The following PNPLA3 variants were observed in gnomAD, a reference collection of about 807,000 sequenced individuals.
The protein encoded by PNPLA3 is 1-acylglycerol-3-phosphate O-acyltransferase PNPLA3.
Under a neutral mutation model 43.1 loss-of-function variants are expected in PNPLA3, and 42 were observed. The observed-to-expected ratio is 0.97, with a 90% CI of 0.76 to 1.26. The LOEUF (loss-of-function observed/expected upper bound fraction) is 1.26. Among genes scored for constraint, PNPLA3 ranks in the 50% most tolerant of loss-of-function variants. The pLI is 0.00. For missense variants in PNPLA3, 647 were observed against 621.4 expected, an observed-to-expected ratio of 1.04 and a Z score of -0.44; for synonymous variants, 272 against 253.6, an observed-to-expected ratio of 1.07 and a Z score of -0.69.
At chr22:43,935,359 A>C (rs547625385) in intron 5 of PNPLA3, among the ~76,000 whole-genome samples, 1 of 152,342 alleles carries the variant, frequency 6.6e-6, no homozygotes, top group South Asian at 2.1e-4. Context: ...TGCAGTGAAC[A>C]CAGAGGTGTG....
At chr22:43,945,277 T>A (rs780618638) in intron 8 of PNPLA3, among the ~76,000 whole-genome samples, 3 of 152,152 alleles carry the variant, frequency 2.0e-5, no homozygotes, top group Non-Finnish European at 4.4e-5. Flanking sequence ...TCCTCCACCC[T>A]CTGTTGTACT....
At chr22:43,939,464 T>C (rs2050017052) in intron 6 of PNPLA3, 1 of 921,248 alleles carries the variant, frequency 1.1e-6, no homozygotes, top group African/African-American at 1.8e-5. Flanking sequence ...GTAAGCACTC[T>C]CTTAGCTGTT....
In PNPLA3 at chr22:43,946,635, G is replaced by A. The variant is rs554741738; in HGVS notation, c.*253G>A. On this transcript the variant is annotated 3_prime_UTR_variant, in exon 9 of 9. Transcript: ENST00000216180. ...AAATGACACCAGGAAGCCCAGTGCA[G>A]AGGGTCCCTTACTGACTGTTTCGTG... 8.6e-6 allele frequency: 6 copies of A among 698,052 alleles called. No homozygotes were observed. The highest frequency in any genetic ancestry group is 8.3e-5 in the South Asian group (6 of 72,332). 43.2% of individuals were successfully genotyped at this position (698,052 alleles called of 1,614,324 possible). A position where few individuals can be genotyped will look rare whatever the true frequency, so the allele number is the denominator to read the frequency against.
At chr22:43,940,224 G>T (rs2050022716) in intron 7 of PNPLA3, 99 bp downstream of exon 7, 6 of 1,383,086 alleles carry the variant, frequency 4.3e-6, no homozygotes, top group Non-Finnish European at 6.0e-6. Context: ...GACCTGGATT[G>T]TCGTGCCACA....
intron 2 of PNPLA3, among the ~76,000 whole-genome samples, chr22:43,928,402 C>T (rs745941492): frequency 2.6e-5 from 4 of 152,202 alleles, no homozygotes; most frequent in Non-Finnish European, 4.4e-5. Context: ...TCAGGTCCCA[C>T]CTCTGACCTG....
chr22:43,926,787 G>A (rs1369784804), intron 1 of PNPLA3, 148 bp from the exon 2 acceptor site: 13 of 639,928 alleles, frequency 2.0e-5, no homozygotes, highest in Middle Eastern at 4.0e-4. Flanking sequence ...CATTTCAAGG[G>A]CGTGATAGCC....
intron 3 of PNPLA3, 127 bp from the exon 4 acceptor site, chr22:43,932,751 G>A: frequency 1.3e-6 from 1 of 780,072 alleles, no homozygotes; most frequent in Non-Finnish European, 2.2e-6. Flanking sequence ...CAAAGCCAAT[G>A]TCCTCCCTCC....
At chr22:43,930,624 TC>T (rs1396846995) in intron 3 of PNPLA3, among the ~76,000 whole-genome samples, 2 of 152,188 alleles carry the variant, frequency 1.3e-5, no homozygotes, top group Admixed American at 6.5e-5. Flanking sequence ...TCCTACTCTG[TC>T]CTTTTCAGCC....
At chr22:43,934,963 C>T (rs2049985697) in intron 5 of PNPLA3, among the ~76,000 whole-genome samples, 1 of 152,158 alleles carries the variant, frequency 6.6e-6, no homozygotes, top group African/African-American at 2.4e-5. Context: ...GTCCCCTTAT[C>T]TGAAGGCGGT....
At chr22:43,929,872 C>T (rs1475741555) in intron 3 of PNPLA3, among the ~76,000 whole-genome samples, 1 of 152,176 alleles carries the variant, frequency 6.6e-6, no homozygotes, top group Admixed American at 6.5e-5. Context: ...GCTGAGATTA[C>T]AGGCGTGAGC....
At chr22:43,932,101 G>GATGGCTGGCTC (rs2049965308) in intron 3 of PNPLA3, among the ~76,000 whole-genome samples, 3 of 152,010 alleles carry the variant, frequency 2.0e-5, no homozygotes, top group Admixed American at 2.0e-4. Context: ...ATGGCTGGCT[G>GATGGCTGGCTC]TGATGGCTGT....
In PNPLA3 at chr22:43,944,786, C is replaced by G. The variant is rs377679705; in HGVS notation, c.1208C>G (p.Pro403Arg). Reference protein sequence around the residue: ...VFTRVLMCLLPASRSQMPVSS... With the variant: ...VFTRVLMCLLRASRSQMPVSS... ...ACTCGAGTGCTGATGTGTCTGCTCC[C>G]CGCCTCCAGGTAAATACTTTGGCTG... The change falls in exon 8 of 9, where the codon CCC becomes CGC. Residue 403 changes from proline to arginine, a missense_variant. Physicochemically the swap from Pro to Arg is moderately radical, Grantham distance 103. Coordinates refer to ENST00000216180, the MANE Select transcript of PNPLA3 (RefSeq NM_025225.3). 1 of 1,614,006 alleles carries G rather than the reference C, an allele frequency of 6.2e-7. No individual in the cohort carries two copies. Among genetic ancestry groups the G allele is most frequent in the African/African-American group, 1.3e-5 (1 of 74,932 alleles).
At chr22:43,942,927 C>T (rs2050040860) in intron 7 of PNPLA3, among the ~76,000 whole-genome samples, 2 of 151,962 alleles carry the variant, frequency 1.3e-5, no homozygotes, top group Non-Finnish European at 2.9e-5. Flanking sequence ...CTTTTTCTTC[C>T]TCTTCCTGGG....
At position 43,927,025 on chromosome 22, in the gene PNPLA3, T is replaced by C; in HGVS notation, c.278T>C (p.Phe93Ser). 6.2e-7 allele frequency: 1 copy of C among 1,614,232 alleles called. No individual in the cohort carries two copies. The highest frequency in any genetic ancestry group is 2.2e-5 in the East Asian group (1 of 44,896). ...CATCCATCCTTCAACTTAAGCAAGTTCCTCCGACAGGGTCTCTGCAAATGC... is the reference window on the plus strand; with the variant it reads ...CATCCATCCTTCAACTTAAGCAAGTCCCTCCGACAGGGTCTCTGCAAATGC... ...IFHPSFNLSK[F>S]LRQGLCKCLP... is the part of the protein sequence containing the mutation. Residue 93 changes from phenylalanine to serine, a missense_variant, in exon 2 of 9, where the codon TTC (phenylalanine) becomes TCC (serine). Phe to Ser is a radical substitution (Grantham distance 155). Transcript: ENST00000216180.
At chr22:43,944,861 C>A in intron 8 of PNPLA3, 66 bp downstream of exon 8, 1 of 1,346,328 alleles carries the variant, frequency 7.4e-7, no homozygotes, top group Non-Finnish European at 1.1e-6. Context: ...AGGCCTCACA[C>A]GACATTCTAG....
At chr22:43,939,544 G>T (rs554958117) in intron 6 of PNPLA3, 50 of 479,906 alleles carry the variant, frequency 1.0e-4, no homozygotes, top group African/African-American at 9.9e-4. Flanking sequence ...GCCGGGCGCG[G>T]TGGCTTACAC....
Position 43,946,844 on chromosome 22 carries a change from A to G in PNPLA3, c.*462A>G. On this transcript the variant is annotated 3_prime_UTR_variant, in exon 9 of 9. Coordinates refer to ENST00000216180, the MANE Select transcript of PNPLA3 (RefSeq NM_025225.3). The stretch of plus-strand genomic sequence containing the variant: ...GGGGTGCAGTTCGTCCCCAAGAACG[A>G]CACTGCCTGTCAGGTGGTCTGCAAA... 1 of 445,454 alleles carries G rather than the reference A, an allele frequency of 2.2e-6. No homozygotes were observed. Among genetic ancestry groups the G allele is most frequent in the Non-Finnish European group, 4.4e-6 (1 of 225,036 alleles). The allele number at this position is 445,454 out of a possible 1,614,324, so 27.6% of individuals were successfully genotyped here. A position where few individuals can be genotyped will look rare whatever the true frequency, so the allele number is the denominator to read the frequency against.
chr22:43,941,916 G>C (rs1260893545), intron 7 of PNPLA3, among the ~76,000 whole-genome samples: 1 of 152,212 alleles, frequency 6.6e-6, no homozygotes, highest in Non-Finnish European at 1.5e-5. Context: ...GCCTGAAGGT[G>C]TGAGGAGGTG....
At chr22:43,935,530 A>G (rs888283964) in intron 5 of PNPLA3, among the ~76,000 whole-genome samples, 8 of 152,124 alleles carry the variant, frequency 5.3e-5, no homozygotes, top group African/African-American at 1.9e-4. Flanking sequence ...GCCCAGGGGA[A>G]GAAGGGCCTC....
Sources: allele counts gnomAD v4.1 joint callset (sites outside exome capture counted in the v4.1 genomes callset), GRCh38; gene constraint gnomAD v4.1.1; transcripts MANE v1.5; gene names NCBI Gene and HGNC (gene_info 2026-07-23, HGNC 2026-07-21).